Variants in NRXN1 observed in about 807,000 individuals in gnomAD.
The protein encoded by NRXN1 is neurexin 1.
In NRXN1, 39 loss-of-function variants were observed where a neutral mutation model predicts 150.9. The observed-to-expected ratio is 0.26, with a 90% CI of 0.20 to 0.34. NRXN1 has a LOEUF of 0.34. Ranked by LOEUF, NRXN1 falls within the 10% of genes least tolerant of loss-of-function variation. The probability of loss-of-function intolerance (pLI) is 1.00; values close to 1 mark genes in which losing one functional copy is unlikely to be tolerated. For missense variants in NRXN1, 1,815 were observed against 1,949.9 expected (o/e 0.93, Z 1.30); for synonymous variants, 924 against 757.0 (o/e 1.22, Z -3.62).
At chr2:50,082,770 C>A (rs1210920106) in intron 19 of NRXN1, among the ~76,000 whole-genome samples, 1 of 152,096 alleles carries the variant, frequency 6.6e-6, no homozygotes, top group Non-Finnish European at 1.5e-5. Context: ...GGCACCTATC[C>A]TCCCCACACA....
intron 8 of NRXN1, among the ~76,000 whole-genome samples, chr2:50,611,772 T>C (rs1362379622): frequency 1.3e-5 from 2 of 152,178 alleles, no homozygotes; most frequent in African/African-American, 4.8e-5. Context: ...AGGAAAAGTG[T>C]GCAGGCTGCC....
At chr2:50,003,229 A>T (rs780172586) in intron 21 of NRXN1, among the ~76,000 whole-genome samples, 44 of 152,234 alleles carry the variant, frequency 2.9e-4, no homozygotes, top group Non-Finnish European at 5.9e-4. Flanking sequence ...ACAGGTACAG[A>T]GATGAGAGAT....
At chr2:50,694,320 T>C (rs1692502728) in intron 5 of NRXN1, among the ~76,000 whole-genome samples, 1 of 152,172 alleles carries the variant, frequency 6.6e-6, no homozygotes, top group Non-Finnish European at 1.5e-5. Flanking sequence ...TTCTGTCTGT[T>C]TGGGCATGTT....
rs543570971 is a variant in NRXN1, at chr2:51,016,637, C to A, written c.772+10865G>T. 4.6e-4 allele frequency among the ~76,000 whole-genome samples: 70 copies of A among 152,202 alleles called. No individual in the cohort carries two copies. In the Middle Eastern group the frequency reaches 0.017, roughly 37 times the overall value. On this transcript the variant is annotated intron_variant, in intron 2 of 22. Coordinates refer to ENST00000401669, the MANE Select transcript of NRXN1 (RefSeq NM_001330078.2). ...TGGAGAGGATGTGGAGAAAAAGAAACGCTTTTACACCTTTGGTGGGAGTTT... is the reference window on the plus strand; with the variant it reads ...TGGAGAGGATGTGGAGAAAAAGAAAAGCTTTTACACCTTTGGTGGGAGTTT...
intron 5 of NRXN1, among the ~76,000 whole-genome samples, chr2:50,815,517 A>T (rs1668805529): frequency 6.6e-6 from 1 of 152,012 alleles, no homozygotes; most frequent in Admixed American, 6.6e-5. Flanking sequence ...AACCCATGGT[A>T]TTTTTTTATT....
At chr2:50,106,799 A>C (rs1701707327) in intron 18 of NRXN1, among the ~76,000 whole-genome samples, 1 of 152,038 alleles carries the variant, frequency 6.6e-6, no homozygotes, top group Admixed American at 6.6e-5. Context: ...TATAAACTTA[A>C]TCTTTCAAAG....
At chr2:50,867,881 T>A (rs1677163232) in intron 5 of NRXN1, among the ~76,000 whole-genome samples, 1 of 151,620 alleles carries the variant, frequency 6.6e-6, no homozygotes, top group African/African-American at 2.4e-5. Context: ...ATATCCTAAA[T>A]CTCCAGGAAA....
chr2:50,137,029 A>G (rs1365009301), intron 18 of NRXN1, among the ~76,000 whole-genome samples: 1 of 152,198 alleles, frequency 6.6e-6, no homozygotes, highest in East Asian at 1.9e-4. Context: ...CAGTACTTAC[A>G]ACACTGTCAG....
chr2:50,969,661 A>G (rs1424672340), intron 2 of NRXN1, among the ~76,000 whole-genome samples: 2 of 152,184 alleles, frequency 1.3e-5, no homozygotes, highest in Non-Finnish European at 2.9e-5. Flanking sequence ...AAATCAGTAC[A>G]TATATCTAAA....
intron 17 of NRXN1, among the ~76,000 whole-genome samples, chr2:50,417,882 G>A (rs182265355): frequency 5.3e-5 from 8 of 152,072 alleles, no homozygotes; most frequent in African/African-American, 1.7e-4. Flanking sequence ...GAAGGAATAA[G>A]GGATAGATGG....
chr2:50,829,999 GAAAAAAAAAAAAAAAAAAA>G (rs572758147), intron 5 of NRXN1, among the ~76,000 whole-genome samples: 3 of 58,206 alleles, frequency 5.2e-5, no homozygotes, highest in African/African-American at 3.2e-4. Flanking sequence ...CTGCCTGCTG[GAAAAAAAAAAAAAAAAAAA>G]AAAAAAAAAA....
At chr2:50,333,133 C>A (rs2076939765) in intron 17 of NRXN1, among the ~76,000 whole-genome samples, 1 of 152,088 alleles carries the variant, frequency 6.6e-6, no homozygotes, top group Non-Finnish European at 1.5e-5. Flanking sequence ...TCTCCTTGAT[C>A]TACTCATCTC....
At chr2:50,799,432 C>T (rs977962600) in intron 5 of NRXN1, among the ~76,000 whole-genome samples, 4 of 152,078 alleles carry the variant, frequency 2.6e-5, no homozygotes, top group Non-Finnish European at 1.5e-5. Context: ...GAGAACTGTC[C>T]AATAAAGCCA....
chr2:50,003,455 G>A (rs1475649570), intron 21 of NRXN1, among the ~76,000 whole-genome samples: 2 of 152,048 alleles, frequency 1.3e-5, no homozygotes, highest in African/African-American at 4.8e-5. Flanking sequence ...GGAAATGAGT[G>A]TCTAATCTTG....
At position 50,151,524 on chromosome 2, in the gene NRXN1, G is replaced by A. The variant is rs149226615; in HGVS notation, c.3547-60030C>T. ...GGAAACAGGGGAGGTTAGGCCTCAG[G>A]CTTCTAGTTTCTAATGTATTTATAG... On this transcript the variant is annotated intron_variant, in intron 18 of 22. Coordinates refer to ENST00000401669, the MANE Select transcript of NRXN1 (RefSeq NM_001330078.2). Among the ~76,000 whole-genome samples, 432 of 151,620 alleles carry A rather than the reference G, an allele frequency of 2.8e-3. 3 individuals carry two copies. Among genetic ancestry groups the A allele is most frequent in the African/African-American group, 9.9e-3 (410 of 41,392 alleles).
intron 5 of NRXN1, among the ~76,000 whole-genome samples, chr2:50,736,619 G>A (rs1433097021): frequency 6.6e-6 from 1 of 152,210 alleles, no homozygotes. Flanking sequence ...AGATCTGATG[G>A]TTTTATAAGG....
chr2:50,489,498 G>A (rs1345430417), intron 15 of NRXN1, among the ~76,000 whole-genome samples: 1 of 139,822 alleles, frequency 7.2e-6, no homozygotes, highest in Admixed American at 6.8e-5. Context: ...TCTATCTTCT[G>A]AGCTATGGTA....
At chr2:50,265,995 ATT>A (rs2068803915) in intron 17 of NRXN1, among the ~76,000 whole-genome samples, 1 of 76,860 alleles carries the variant, frequency 1.3e-5, no homozygotes, top group Admixed American at 1.1e-4. Context: ...TATTATTATT[ATT>A]ATTTATTTTT....
At chr2:50,941,814 C>T (rs1689496599) in intron 2 of NRXN1, among the ~76,000 whole-genome samples, 1 of 152,164 alleles carries the variant, frequency 6.6e-6, no homozygotes, top group African/African-American at 2.4e-5. Context: ...TGGTAGAAGA[C>T]AAAAACTCAT....
Sources: gnomAD v4.1 joint callset for allele counts (sites outside exome capture counted in the v4.1 genomes callset) on GRCh38, gnomAD v4.1.1 for gene constraint, MANE v1.5 for transcripts, NCBI Gene and HGNC (gene_info 2026-07-23, HGNC 2026-07-21) for gene names.